Variants in LAMA2 observed in about 807,000 individuals in gnomAD.
LAMA2 encodes laminin subunit alpha 2.
In LAMA2, 269 loss-of-function variants were observed where a neutral mutation model predicts 364.8. That is an observed-to-expected ratio of 0.74 (90% CI 0.67 to 0.82). The LOEUF (loss-of-function observed/expected upper bound fraction) is 0.82. Ranked by LOEUF, LAMA2 falls within the 40% of genes least tolerant of loss-of-function variation. The probability of loss-of-function intolerance (pLI) is 0.00; values close to 1 mark genes in which losing one functional copy is unlikely to be tolerated. For missense variants in LAMA2, 3,807 were observed against 3,873.2 expected (o/e 0.98, Z 0.45); for synonymous variants, 1,379 against 1,370.6 (o/e 1.01, Z -0.14).
chr6:129,079,597 G>C (rs1663305963), intron 3 of LAMA2, among the ~76,000 whole-genome samples: 1 of 150,610 alleles, frequency 6.6e-6, no homozygotes, highest in South Asian at 2.1e-4. Flanking sequence ...AAATGCGTAT[G>C]AAGTGGTGGT....
intron 37 of LAMA2, among the ~76,000 whole-genome samples, chr6:129,393,762 T>C (rs749981432): frequency 2.7e-5 from 4 of 149,886 alleles, no homozygotes; most frequent in African/African-American, 4.8e-5. Context: ...CCAAAAATCA[T>C]AGAAGTTCCC....
chr6:129,507,745 T>G, intron 62 of LAMA2, 103 bp downstream of exon 62: 1 of 1,202,758 alleles, frequency 8.3e-7, no homozygotes, highest in Non-Finnish European at 1.2e-6. Flanking sequence ...TAAACTAGTA[T>G]CCTTTATTTA....
intron 41 of LAMA2, among the ~76,000 whole-genome samples, chr6:129,432,945 C>A (rs1207446922): frequency 6.6e-6 from 1 of 152,176 alleles, no homozygotes; most frequent in Non-Finnish European, 1.5e-5. Flanking sequence ...GTGCTTATTG[C>A]GAACAAGATC....
intron 1 of LAMA2, among the ~76,000 whole-genome samples, chr6:128,971,276 G>A (rs539839186): frequency 2.2e-4 from 34 of 152,248 alleles, no homozygotes; most frequent in African/African-American, 6.7e-4. Context: ...AGTAATGAAC[G>A]TTCTTAAGTG....
intron 58 of LAMA2, 92 bp downstream of exon 58, chr6:129,492,575 C>T (rs1784929859): frequency 8.9e-7 from 1 of 1,126,744 alleles, no homozygotes; most frequent in Non-Finnish European, 1.3e-6. Context: ...ATCTAGTACA[C>T]TCTGATATTA....
chr6:129,011,371 C>T (rs747768540), intron 1 of LAMA2, among the ~76,000 whole-genome samples: 1 of 152,196 alleles, frequency 6.6e-6, no homozygotes, highest in African/African-American at 2.4e-5. Context: ...CTTTGGGTAA[C>T]AGTGGATAAG....
chr6:129,485,908 G>T (rs1285661153), intron 55 of LAMA2, among the ~76,000 whole-genome samples: 1 of 152,154 alleles, frequency 6.6e-6, no homozygotes, highest in African/African-American at 2.4e-5. Context: ...TTCATGATGG[G>T]ATATCAAAAC....
At chr6:129,201,900 A>G (rs1015707858) in intron 12 of LAMA2, among the ~76,000 whole-genome samples, 1 of 152,150 alleles carries the variant, frequency 6.6e-6, no homozygotes, top group East Asian at 1.9e-4. Context: ...TCAGAAAAAA[A>G]CTAACATGGC....
intron 38 of LAMA2, among the ~76,000 whole-genome samples, chr6:129,401,830 A>C (rs2114693369): frequency 8.8e-6 from 1 of 114,030 alleles, no homozygotes; most frequent in South Asian, 2.9e-4. Context: ...TGGTTTCTTA[A>C]ATTTCCTAGT....
intron 49 of LAMA2, among the ~76,000 whole-genome samples, chr6:129,462,198 C>T (rs766986262): frequency 1.1e-4 from 16 of 151,946 alleles, no homozygotes; most frequent in South Asian, 2.1e-4. Context: ...GAGAATGATT[C>T]GGGTAAGATG....
chr6:129,167,871 TG>T (rs1311714313), intron 9 of LAMA2, among the ~76,000 whole-genome samples: 7 of 150,566 alleles, frequency 4.6e-5, no homozygotes, highest in Non-Finnish European at 7.4e-5. Context: ...TGGTGTGAGA[TG>T]GTATCTCATT....
chr6:129,218,853 A>C (rs1229739329), intron 12 of LAMA2, among the ~76,000 whole-genome samples: 2 of 135,098 alleles, frequency 1.5e-5, no homozygotes, highest in African/African-American at 6.4e-5. Context: ...TTAATACTGT[A>C]ATCATTTTGA....
rs3828736 is a variant in LAMA2 at position 129,403,927 on chromosome 6, G to C, written c.5833G>C (p.Ala1945Pro). 22 of 1,613,832 alleles carry C rather than the reference G, an allele frequency of 1.4e-5. No individual in the cohort carries two copies. The highest frequency in any genetic ancestry group is 1.8e-5 in the Non-Finnish European group (21 of 1,179,900). ...TGAAGCTGAGAAAGTTGCCAAAGAAGCCAAAGATCTTGCACATGAAGCTAC... is the reference window on the plus strand; with the variant it reads ...TGAAGCTGAGAAAGTTGCCAAAGAACCCAAAGATCTTGCACATGAAGCTAC... The part of the protein sequence containing the change: ...IDEAEKVAKE[A>P]KDLAHEATKL... Residue 1945 changes from alanine (A) to proline (P), a missense_variant, in exon 40 of 65, where the codon GCC (alanine) becomes CCC (proline). Transcript: ENST00000421865.
chr6:129,199,886 C>A (rs765536326), intron 12 of LAMA2, among the ~76,000 whole-genome samples: 23 of 151,920 alleles, frequency 1.5e-4, no homozygotes, highest in Non-Finnish European at 2.5e-4. Context: ...CGAGACCACC[C>A]TGGCCAACAT....
At chr6:129,255,232 C>T (rs2114299079) in intron 14 of LAMA2, among the ~76,000 whole-genome samples, 1 of 151,424 alleles carries the variant, frequency 6.6e-6, no homozygotes. Context: ...ATGGTGAAAC[C>T]CCATCTCTAC....
intron 30 of LAMA2, among the ~76,000 whole-genome samples, chr6:129,347,400 G>A (rs1004702898): frequency 5.3e-5 from 8 of 152,114 alleles, no homozygotes; most frequent in Non-Finnish European, 7.4e-5. Context: ...ATTCAGAGGA[G>A]AGAGGAGAAG....
At chr6:128,895,367 T>A (rs756653673) in intron 1 of LAMA2, among the ~76,000 whole-genome samples, 6 of 148,998 alleles carry the variant, frequency 4.0e-5, no homozygotes, top group Non-Finnish European at 7.4e-5. Context: ...GCGCGGTGGC[T>A]CACGCCTGTA....
At chr6:129,485,034 C>T (rs1784526130) in intron 55 of LAMA2, among the ~76,000 whole-genome samples, 1 of 152,122 alleles carries the variant, frequency 6.6e-6, no homozygotes, top group Non-Finnish European at 1.5e-5. Context: ...TTTCTTACTA[C>T]ACATAATAAG....
At chr6:129,210,869 C>T (rs921235000) in intron 12 of LAMA2, among the ~76,000 whole-genome samples, 1 of 152,024 alleles carries the variant, frequency 6.6e-6, no homozygotes, top group Admixed American at 6.6e-5. Context: ...ATGCTGGCTA[C>T]AGTGGTCGAC....
Sources: gnomAD v4.1 joint callset for allele counts (sites outside exome capture counted in the v4.1 genomes callset) on GRCh38, gnomAD v4.1.1 for gene constraint, MANE v1.5 for transcripts, NCBI Gene and HGNC (gene_info 2026-07-23, HGNC 2026-07-21) for gene names.